The following SLC35F2 variants were observed in gnomAD, a reference collection of about 807,000 sequenced individuals.
The protein encoded by SLC35F2 is queuine/queuosine transporter SLC35F2.
In SLC35F2, 25 loss-of-function variants were observed where a neutral mutation model predicts 38.1. The ratio of observed to expected loss-of-function variants is 0.66; its 90% CI spans 0.48 to 0.92. The LOEUF (loss-of-function observed/expected upper bound fraction) is 0.92, where lower values mean the gene tolerates loss of function less well. Ranked by LOEUF, SLC35F2 falls within the 40% of genes least tolerant of loss-of-function variation. The pLI is 0.00. For synonymous variants in SLC35F2, 173 were observed against 181.7 expected, an observed-to-expected ratio of 0.95 and a Z score of 0.38; for missense variants, 409 against 452.9, an observed-to-expected ratio of 0.90 and a Z score of 0.88.
intron 3 of SLC35F2, 61 bp downstream of exon 3, chr11:107,811,605 AT>A: frequency 1.3e-6 from 2 of 1,486,758 alleles, no homozygotes; most frequent in Non-Finnish European, 1.8e-6. Context: ...GTCAACACAT[AT>A]GACTTCGTGT....
rs377396359 is a variant in SLC35F2 at position 107,845,913 on chromosome 11, G to A, written c.110+12745C>T. Among the ~76,000 whole-genome samples, 603 of 149,618 alleles carry A rather than the reference G, an allele frequency of 4.0e-3. 2 individuals are homozygous for A. Among genetic ancestry groups the A allele is most frequent in the African/African-American group, 0.014 (588 of 40,698 alleles). On this transcript the variant is annotated intron_variant, in intron 1 of 7. Coordinates refer to ENST00000525815, the MANE Select transcript of SLC35F2 (RefSeq NM_017515.5). ...GGTTGCAGTGTGCCAAGATCGCGCC[G>A]TTGCACTCCAGCCTGGGCGACAGAC...
chr11:107,822,643 A>G (rs1311312993), intron 1 of SLC35F2, among the ~76,000 whole-genome samples: 1 of 152,116 alleles, frequency 6.6e-6, no homozygotes, highest in Non-Finnish European at 1.5e-5. Context: ...GGGACATTAT[A>G]TTCTCCATGA....
intron 1 of SLC35F2, among the ~76,000 whole-genome samples, chr11:107,845,303 C>A (rs908818860): frequency 2.0e-5 from 3 of 152,108 alleles, no homozygotes; most frequent in Admixed American, 6.6e-5. Flanking sequence ...TAAGAAATGA[C>A]TAGAAGGTTC....
chr11:107,800,426 GA>G (rs1234415271), intron 7 of SLC35F2, among the ~76,000 whole-genome samples: 1 of 123,008 alleles, frequency 8.1e-6, no homozygotes, highest in Non-Finnish European at 2.0e-5. Flanking sequence ...CATAAATAAG[GA>G]TTTGTCTGGA....
rs1038443560 is a variant in SLC35F2, at chr11:107,792,383, G to A, written c.*232C>T. The A allele has an allele frequency of 1.8e-5, 8 of 443,388 alleles. No individual in the cohort carries two copies. The highest frequency in any genetic ancestry group is 3.1e-5 in the South Asian group (1 of 31,746). The allele number at this position is 443,388 out of a possible 1,614,324, so 27.5% of individuals were successfully genotyped here. ...AGTCTGCACCTCATCTCCTCAACACGAACAGATATTGGTCCTCAAACACAG... is the reference window on the plus strand; with the variant it reads ...AGTCTGCACCTCATCTCCTCAACACAAACAGATATTGGTCCTCAAACACAG... On this transcript the variant is annotated 3_prime_UTR_variant, in exon 8 of 8. Transcript: ENST00000525815.
At chr11:107,800,313 A>G (rs1859287730) in intron 7 of SLC35F2, among the ~76,000 whole-genome samples, 3 of 151,492 alleles carry the variant, frequency 2.0e-5, no homozygotes, top group Admixed American at 2.0e-4. Context: ...TTGCAAACCA[A>G]AGGTTTACAC....
At chr11:107,842,544 C>A (rs938240639) in intron 1 of SLC35F2, among the ~76,000 whole-genome samples, 2 of 151,688 alleles carry the variant, frequency 1.3e-5, no homozygotes, top group African/African-American at 4.8e-5. Context: ...TTTTTTAATA[C>A]CGCCTCACTC....
rs150356074 is a variant in SLC35F2 at position 107,847,010 on chromosome 11, T to C, written c.110+11648A>G. Reference sequence around the variant, plus strand: ...GGAAAATTAACCTGTGTGAAATGATTTGTTCTCTCTGATGATCTTCAGTAA... The same window carrying C: ...GGAAAATTAACCTGTGTGAAATGATCTGTTCTCTCTGATGATCTTCAGTAA... On this transcript the variant is annotated intron_variant, in intron 1 of 7. Coordinates refer to ENST00000525815, the MANE Select transcript of SLC35F2 (RefSeq NM_017515.5). 1.1e-3 allele frequency among the ~76,000 whole-genome samples: 171 copies of C among 152,252 alleles called. 1 individual carries two copies. Among genetic ancestry groups the C allele is most frequent in the African/African-American group, 3.9e-3 (161 of 41,536 alleles).
chr11:107,809,840 G>C, intron 3 of SLC35F2: 4 of 985,294 alleles, frequency 4.1e-6, no homozygotes, highest in Non-Finnish European at 3.6e-6. Flanking sequence ...CTTTGACAAT[G>C]AGGGGAGCAG....
At chr11:107,849,609 A>T (rs1860145336) in intron 1 of SLC35F2, among the ~76,000 whole-genome samples, 1 of 148,188 alleles carries the variant, frequency 6.7e-6, no homozygotes, top group African/African-American at 2.5e-5. Context: ...ACTGCACTCC[A>T]GCCTGGGCGA....
At chr11:107,801,419 AT>A (rs202046472) in intron 7 of SLC35F2, among the ~76,000 whole-genome samples, 3,517 of 152,144 alleles carry the variant, frequency 0.023, 157 homozygotes, top group African/African-American at 0.081. Context: ...TCTTCTCACT[AT>A]TTTTTTATTT....
chr11:107,844,268 G>A (rs557517466), intron 1 of SLC35F2, among the ~76,000 whole-genome samples: 5 of 152,140 alleles, frequency 3.3e-5, no homozygotes, highest in Admixed American at 1.3e-4. Flanking sequence ...TCACCTCTCC[G>A]TGCTCCAACT....
In SLC35F2 at chr11:107,806,762, T is replaced by C. The variant is rs1177186361; in HGVS notation, c.529A>G (p.Thr177Ala). Residue 177 changes from threonine to alanine, a missense_variant, in exon 4 of 8, where the codon ACC (threonine) becomes GCC (alanine). Physicochemically the swap from Thr to Ala is moderately conservative, Grantham distance 58. Coordinates refer to ENST00000525815, the MANE Select transcript of SLC35F2 (RefSeq NM_017515.5). ...GCTAGTATGTCTGCACCAACCATGG[T>C]TCCTACACCCAACAGACAGACAGCC... ...AVAVCLLGVG[T>A]MVGADILAGR... 9 of 1,613,846 alleles carry C rather than the reference T, an allele frequency of 5.6e-6. No individual in the cohort carries two copies. Among genetic ancestry groups the C allele is most frequent in the Non-Finnish European group, 6.8e-6 (8 of 1,179,918 alleles).
At chr11:107,843,900 T>TATATGTATATTATATA in intron 1 of SLC35F2, among the ~76,000 whole-genome samples, 1 of 125,008 alleles carries the variant, frequency 8.0e-6, no homozygotes, top group East Asian at 2.2e-4. Flanking sequence ...TATATATATA[T>TATATGTATATTATATA]ATATATATGT....
At chr11:107,803,339 A>C in intron 6 of SLC35F2, 184 bp from the exon 7 acceptor site, 1 of 985,042 alleles carries the variant, frequency 1.0e-6, no homozygotes, top group South Asian at 4.7e-5. Flanking sequence ...ATAAATAGCA[A>C]GTTGTGATGT....
At chr11:107,817,070 G>A (rs949021159) in intron 1 of SLC35F2, among the ~76,000 whole-genome samples, 1 of 152,178 alleles carries the variant, frequency 6.6e-6, no homozygotes, top group African/African-American at 2.4e-5. Flanking sequence ...TTGAGGTTGA[G>A]TTCGAGACCA....
At chr11:107,816,447 A>T (rs899288310) in intron 1 of SLC35F2, among the ~76,000 whole-genome samples, 6 of 118,314 alleles carry the variant, frequency 5.1e-5, no homozygotes, top group Non-Finnish European at 8.3e-5. Context: ...TGCCCAGCTA[A>T]TTTTTTTTTT....
intron 1 of SLC35F2, among the ~76,000 whole-genome samples, chr11:107,828,392 C>T (rs2134819137): frequency 6.7e-6 from 1 of 149,504 alleles, no homozygotes; most frequent in South Asian, 2.1e-4. Context: ...TGAGATCGCA[C>T]CACTGCACTC....
chr11:107,815,858 A>G lies in SLC35F2; in HGVS notation c.218T>C (p.Met73Thr), dbSNP rs1591193033. ...LAERYKVNTP[M>T]LQSFINYCLL... ...GCAATAATTGATAAAGCTCTGAAGCATGGGGGTGTTCACTTTGTATCTTTC... is the reference window on the plus strand; with the variant it reads ...GCAATAATTGATAAAGCTCTGAAGCGTGGGGGTGTTCACTTTGTATCTTTC... Residue 73 changes from methionine to threonine, a missense_variant, in exon 2 of 8, where the codon ATG (methionine) becomes ACG (threonine). Coordinates refer to ENST00000525815, the MANE Select transcript of SLC35F2 (RefSeq NM_017515.5). The G allele has an allele frequency of 6.2e-7, 1 of 1,614,132 alleles. No individual in the cohort carries two copies. The highest frequency in any genetic ancestry group is 2.2e-5 in the East Asian group (1 of 44,878).
Sources: gnomAD v4.1 joint callset for allele counts (sites outside exome capture counted in the v4.1 genomes callset) on GRCh38, gnomAD v4.1.1 for gene constraint, MANE v1.5 for transcripts, NCBI Gene and HGNC (gene_info 2026-07-23, HGNC 2026-07-21) for gene names.